FBXL2: variants seen among roughly 807,000 people sequenced by gnomAD.
FBXL2 encodes the protein F-box and leucine rich repeat protein 2, also known as F-box/LRR-repeat protein 2.
A neutral mutation model predicts 69.2 loss-of-function variants in FBXL2; 38 were observed. The observed-to-expected ratio is 0.55, with a 90% CI of 0.42 to 0.72. FBXL2 has a LOEUF of 0.72. Ranked by LOEUF, FBXL2 falls within the 30% of genes least tolerant of loss-of-function variation. FBXL2 has a pLI of 0.00. For missense variants in FBXL2, 354 were observed against 520.3 expected, an observed-to-expected ratio of 0.68 and a Z score of 3.11; for synonymous variants, 192 against 201.3, an observed-to-expected ratio of 0.95 and a Z score of 0.39.
chr3:33,327,815 A>G (rs1297155157), intron 2 of FBXL2, among the ~76,000 whole-genome samples: 1 of 152,150 alleles, frequency 6.6e-6, no homozygotes, highest in Non-Finnish European at 1.5e-5. Flanking sequence ...CACCATTTAT[A>G]TTCAGCATGA....
At chr3:33,334,229 G>A (rs1418929556) in intron 2 of FBXL2, among the ~76,000 whole-genome samples, 1 of 152,180 alleles carries the variant, frequency 6.6e-6, no homozygotes, top group Non-Finnish European at 1.5e-5. Flanking sequence ...TGATGTTTTG[G>A]TGACCCAGTT....
chr3:33,299,623 G>A (rs1245099541), intron 2 of FBXL2, among the ~76,000 whole-genome samples: 1 of 152,084 alleles, frequency 6.6e-6, no homozygotes, highest in Non-Finnish European at 1.5e-5. Flanking sequence ...GCTTCTTTGT[G>A]GTAGTGATCA....
At chr3:33,360,540 G>A (rs879647768) in intron 4 of FBXL2, among the ~76,000 whole-genome samples, 7 of 152,122 alleles carry the variant, frequency 4.6e-5, no homozygotes, top group Non-Finnish European at 7.4e-5. Flanking sequence ...AAGGATTCAC[G>A]CCCATCCTGG....
intron 1 of FBXL2, chr3:33,289,658 G>T: frequency 1.6e-6 from 1 of 609,716 alleles, no homozygotes; most frequent in South Asian, 7.3e-5. Flanking sequence ...GTGACAGTTT[G>T]GAATCCTGAG....
chr3:33,318,621 CAT>C (rs1361969322), intron 2 of FBXL2, among the ~76,000 whole-genome samples: 1 of 152,156 alleles, frequency 6.6e-6, no homozygotes, highest in African/African-American at 2.4e-5. Context: ...ACAGATGTCA[CAT>C]ATTTTAGATT....
At chr3:33,393,697 G>T (rs993865457) in intron 12 of FBXL2, among the ~76,000 whole-genome samples, 5 of 152,050 alleles carry the variant, frequency 3.3e-5, no homozygotes, top group Admixed American at 3.3e-4. Context: ...AACATTAACA[G>T]AAATCCCTGG....
chr3:33,325,975 A>G (rs180948239), intron 2 of FBXL2, among the ~76,000 whole-genome samples: 70 of 152,320 alleles, frequency 4.6e-4, no homozygotes, highest in African/African-American at 1.7e-3. Context: ...TTGTGCATAC[A>G]TATCAGGCTA....
At chr3:33,320,015 G>T (rs1336543871) in intron 2 of FBXL2, among the ~76,000 whole-genome samples, 2 of 152,126 alleles carry the variant, frequency 1.3e-5, no homozygotes, top group East Asian at 3.8e-4. Context: ...TTCATGTATA[G>T]ATAGGCCCAG....
intron 12 of FBXL2, chr3:33,397,062 A>G (rs2044028249): frequency 6.3e-7 from 1 of 1,599,660 alleles, no homozygotes; most frequent in East Asian, 2.2e-5. Context: ...TCAGTGAATT[A>G]TAGAGCCGAA....
Position 33,400,375 on chromosome 3 carries a change from A to G in FBXL2, n.1215-2859A>G, listed in dbSNP as rs1242186462. ...AGAAAGCCTCGGAGTCTGAAGTAAA[A>G]AACACCCAAAAAGAGCATGAGTCTG... On this transcript the variant is annotated intron_variant and non_coding_transcript_variant, in intron 12 of 12. Transcript: ENST00000463736. 11 of 935,068 alleles carry G rather than the reference A, an allele frequency of 1.2e-5. 1 individual carries two copies. The highest frequency in any genetic ancestry group is 2.8e-4 in the Middle Eastern group (1 of 3,604). 57.9% of individuals were successfully genotyped at this position (935,068 alleles called of 1,614,324 possible).
intron 2 of FBXL2, among the ~76,000 whole-genome samples, chr3:33,308,413 A>C (rs2036906335): frequency 1.3e-5 from 2 of 152,310 alleles, no homozygotes; most frequent in Non-Finnish European, 2.9e-5. Context: ...GAAACTCATA[A>C]TTTCATACTT....
intron 12 of FBXL2, chr3:33,398,419 C>T (rs1057005971): frequency 2.0e-5 from 3 of 152,258 alleles, no homozygotes; most frequent in South Asian, 2.1e-4. Context: ...GGGCTTACTA[C>T]ATGCACCTCA....
rs555859831 is a variant in FBXL2, at chr3:33,279,253, G to A, written c.3+1738G>A. 8.6e-5 allele frequency among the ~76,000 whole-genome samples: 13 copies of A among 151,960 alleles called. No individual in the cohort carries two copies. The South Asian group carries it at 2.7e-3, about 32-fold the overall frequency. On this transcript the variant is annotated intron_variant, in intron 1 of 14. Coordinates refer to ENST00000484457, the MANE Select transcript of FBXL2 (RefSeq NM_012157.5). ...AGGGATGAAGCGGCTGCATATATAT[G>A]TCATCCCCAAAACTGTATTCTTTTT...
downstream of FBXL2, chr3:33,388,736 G>C (rs1395602661): frequency 6.6e-6 from 1 of 152,182 alleles, no homozygotes; most frequent in Non-Finnish European, 1.5e-5. Flanking sequence ...TCTGCCTATA[G>C]GATCTATAGG....
chr3:33,375,424 TACA>T lies in FBXL2; in HGVS notation c.788+7_788+9del. On this transcript the variant is annotated splice_region_variant and intron_variant, in intron 10 of 14. Coordinates refer to ENST00000484457, the MANE Select transcript of FBXL2 (RefSeq NM_012157.5). ...TTGAACTGTCCGCGACTGCAGTGAG[TACA>T]CTGCACTTTTTGCTTTGCAGCTCAG... The T allele has an allele frequency of 5.6e-6, 9 of 1,611,380 alleles. No homozygotes were observed. The highest frequency in any genetic ancestry group is 7.6e-6 in the Non-Finnish European group (9 of 1,177,704).
intron 1 of FBXL2, among the ~76,000 whole-genome samples, chr3:33,278,017 T>C (rs1423310747): frequency 2.6e-5 from 4 of 152,280 alleles, no homozygotes; most frequent in South Asian, 2.1e-4. Flanking sequence ...ACGTGGAAAT[T>C]AAAATTTTTG....
intron 2 of FBXL2, among the ~76,000 whole-genome samples, chr3:33,348,451 G>C (rs765792263): frequency 8.5e-5 from 13 of 152,094 alleles, no homozygotes; most frequent in Non-Finnish European, 1.3e-4. Flanking sequence ...GATTCCTCCA[G>C]TTTTGTTCTT....
intron 12 of FBXL2, chr3:33,396,207 G>A: frequency 6.3e-7 from 1 of 1,595,284 alleles, no homozygotes; most frequent in Non-Finnish European, 8.6e-7. Context: ...CTTGCAGCTT[G>A]CTGCTGCCCT....
chr3:33,378,998 A>G (rs2042829643), intron 13 of FBXL2, among the ~76,000 whole-genome samples: 1 of 152,118 alleles, frequency 6.6e-6, no homozygotes, highest in South Asian at 2.1e-4. Flanking sequence ...CCAAACATTT[A>G]AGGAATGAAC....
Sources: allele counts gnomAD v4.1 joint callset (sites outside exome capture counted in the v4.1 genomes callset), GRCh38; gene constraint gnomAD v4.1.1; transcripts MANE v1.5; gene names NCBI Gene and HGNC (gene_info 2026-07-23, HGNC 2026-07-21).